ANKS1B: variants seen among roughly 807,000 people sequenced by gnomAD.
ANKS1B encodes ankyrin repeat and sterile alpha motif domain-containing protein 1B.
A neutral mutation model predicts 148.3 loss-of-function variants in ANKS1B; 36 were observed. The observed-to-expected ratio is 0.24, with a 90% CI of 0.19 to 0.32. The LOEUF (loss-of-function observed/expected upper bound fraction) is 0.32, where lower values mean the gene tolerates loss of function less well. ANKS1B is among the 10% of genes least tolerant of loss of function. The pLI is 1.00. For missense variants in ANKS1B, 1,157 were observed against 1,542.6 expected, an observed-to-expected ratio of 0.75 and a Z score of 4.19; for synonymous variants, 542 against 560.8, an observed-to-expected ratio of 0.97 and a Z score of 0.47.
intron 8 of ANKS1B, among the ~76,000 whole-genome samples, chr12:99,655,650 A>C (rs958411376): frequency 6.6e-6 from 1 of 152,178 alleles, no homozygotes; most frequent in African/African-American, 2.4e-5. Flanking sequence ...AAACTTTATA[A>C]ACTTTCATAT....
intron 14 of ANKS1B, among the ~76,000 whole-genome samples, chr12:99,203,223 A>T (rs2082268651): frequency 6.6e-6 from 1 of 152,142 alleles, no homozygotes; most frequent in Non-Finnish European, 1.5e-5. Flanking sequence ...TGAGCTCCTT[A>T]CCAAGGGGCC....
intron 12 of ANKS1B, among the ~76,000 whole-genome samples, chr12:99,355,313 G>A (rs1168198323): frequency 6.6e-6 from 1 of 152,008 alleles, no homozygotes; most frequent in Non-Finnish European, 1.5e-5. Flanking sequence ...TGGCTTTGAT[G>A]CTAATTTCTC....
rs17029493 is a variant in ANKS1B at position 99,451,687 on chromosome 12, C to T, written c.1439-7878G>A. ...ACTTTGGGCTTTGAAATCAGAAAAC[C>T]CTAAGCTGAAATTCTGGTATATTTA... On this transcript the variant is annotated intron_variant, in intron 10 of 26. Transcript: ENST00000683438. 8.9e-3 allele frequency among the ~76,000 whole-genome samples: 1,347 copies of T among 152,130 alleles called. 28 individuals are homozygous for T. The highest frequency in any genetic ancestry group is 0.031 in the African/African-American group (1,303 of 41,488).
At chr12:99,499,118 G>A (rs1431224348) in intron 10 of ANKS1B, among the ~76,000 whole-genome samples, 2 of 152,140 alleles carry the variant, frequency 1.3e-5, no homozygotes, top group Non-Finnish European at 2.9e-5. Flanking sequence ...GCTTATTGGG[G>A]GCAATTCTGT....
intron 12 of ANKS1B, among the ~76,000 whole-genome samples, chr12:99,396,154 C>G (rs978082756): frequency 2.5e-4 from 38 of 152,050 alleles, no homozygotes; most frequent in African/African-American, 8.7e-4. Flanking sequence ...AACATAAACT[C>G]ATTTATTACT....
At chr12:99,032,320 A>C (rs1304768608) in intron 17 of ANKS1B, among the ~76,000 whole-genome samples, 1 of 152,176 alleles carries the variant, frequency 6.6e-6, no homozygotes, top group Non-Finnish European at 1.5e-5. Context: ...ACAGAAATTT[A>C]TTCTCTTATA....
Position 99,422,860 on chromosome 12 carries a change from A to G in ANKS1B, c.1575+20813T>C, listed in dbSNP as rs78158216. On this transcript the variant is annotated intron_variant, in intron 11 of 26. Transcript: ENST00000683438. ...GAACAAAAAGGAATTGAGAGTAAAA[A>G]TTTCCTACAAAGGAGGTAAGGGTGG... is the stretch of plus-strand genomic sequence containing the variant. 0.015 allele frequency among the ~76,000 whole-genome samples: 2,292 copies of G among 152,304 alleles called. 173 individuals are homozygous for G. The East Asian group carries it at 0.21, about 14-fold the overall frequency.
intron 14 of ANKS1B, among the ~76,000 whole-genome samples, chr12:99,160,235 C>A (rs1450997309): frequency 5.3e-5 from 8 of 151,972 alleles, no homozygotes; most frequent in Non-Finnish European, 1.2e-4. Context: ...TTAATTAGGT[C>A]CCACTTATCA....
At chr12:99,730,418 A>T (rs976606932) in intron 8 of ANKS1B, among the ~76,000 whole-genome samples, 4 of 152,164 alleles carry the variant, frequency 2.6e-5, no homozygotes, top group Admixed American at 2.0e-4. Flanking sequence ...TGGGGGCCAG[A>T]GAGGGTAGAA....
chr12:99,462,053 T>C (rs1473463709), intron 10 of ANKS1B, among the ~76,000 whole-genome samples: 5 of 152,216 alleles, frequency 3.3e-5, no homozygotes, highest in African/African-American at 1.2e-4. Context: ...AACAACTCTC[T>C]TGCCAGTAAC....
chr12:99,323,832 A>G (rs1384755470), intron 12 of ANKS1B, among the ~76,000 whole-genome samples: 1 of 152,174 alleles, frequency 6.6e-6, no homozygotes, highest in Non-Finnish European at 1.5e-5. Context: ...AGAAGAACAG[A>G]CTAGAAAGGC....
chr12:98,996,356 T>A (rs947478711), intron 17 of ANKS1B, among the ~76,000 whole-genome samples: 1 of 152,148 alleles, frequency 6.6e-6, no homozygotes, highest in South Asian at 2.1e-4. Context: ...GCAAGGAATT[T>A]AAATTTCCAA....
At chr12:99,427,363 G>A (rs894668900) in intron 11 of ANKS1B, among the ~76,000 whole-genome samples, 1 of 152,088 alleles carries the variant, frequency 6.6e-6, no homozygotes, top group Non-Finnish European at 1.5e-5. Flanking sequence ...CTGTTCCTCT[G>A]CTCCAAGTTC....
intron 25 of ANKS1B, among the ~76,000 whole-genome samples, chr12:98,761,548 T>C (rs2098406145): frequency 1.3e-5 from 2 of 152,194 alleles, no homozygotes; most frequent in South Asian, 2.1e-4. Context: ...GCTACAACTT[T>C]TCCCTTGATA....
At chr12:99,702,125 C>T (rs983286982) in intron 8 of ANKS1B, among the ~76,000 whole-genome samples, 1 of 152,084 alleles carries the variant, frequency 6.6e-6, no homozygotes, top group Admixed American at 6.5e-5. Flanking sequence ...TATTGTCTTC[C>T]ATAGTGGCTG....
intron 12 of ANKS1B, among the ~76,000 whole-genome samples, chr12:99,330,034 G>A (rs900190368): frequency 1.3e-5 from 2 of 151,826 alleles, no homozygotes; most frequent in African/African-American, 4.8e-5. Context: ...CCAAACCTAA[G>A]AATTAAGTGT....
chr12:99,826,378 A>C (rs1477124350), intron 1 of ANKS1B, among the ~76,000 whole-genome samples: 1 of 152,236 alleles, frequency 6.6e-6, no homozygotes, highest in Non-Finnish European at 1.5e-5. Context: ...TAGCTATTCC[A>C]AACAAGGGGT....
chr12:99,224,523 C>T (rs1226647769), intron 14 of ANKS1B, among the ~76,000 whole-genome samples: 1 of 152,058 alleles, frequency 6.6e-6, no homozygotes, highest in Non-Finnish European at 1.5e-5. Flanking sequence ...TCTCTTGGTC[C>T]TGGTCCTGCC....
intron 17 of ANKS1B, among the ~76,000 whole-genome samples, chr12:98,888,693 A>T (rs188735344): frequency 3.0e-4 from 45 of 152,258 alleles, no homozygotes; most frequent in African/African-American, 1.1e-3. Flanking sequence ...GCATCTCCGT[A>T]TAGCTGGTTC....
Sources: allele counts gnomAD v4.1 joint callset (sites outside exome capture counted in the v4.1 genomes callset), GRCh38; gene constraint gnomAD v4.1.1; transcripts MANE v1.5; gene names NCBI Gene and HGNC (gene_info 2026-07-23, HGNC 2026-07-21).